The following KDM4B variants were observed in gnomAD, a reference collection of about 807,000 sequenced individuals.
KDM4B encodes lysine demethylase 4B.
A neutral mutation model predicts 125.2 loss-of-function variants in KDM4B; 32 were observed. The ratio of observed to expected loss-of-function variants is 0.26; its 90% CI spans 0.19 to 0.34. KDM4B has a LOEUF of 0.34. KDM4B is among the 10% of genes least tolerant of loss of function. The pLI is 1.00. For missense variants in KDM4B, 1,190 were observed against 1,577.7 expected, an observed-to-expected ratio of 0.75 and a Z score of 4.16; for synonymous variants, 721 against 677.9, an observed-to-expected ratio of 1.06 and a Z score of -0.99.
chr19:5,150,750 CT>C (rs1231798094), intron 22 of KDM4B, among the ~76,000 whole-genome samples: 1 of 152,192 alleles, frequency 6.6e-6, no homozygotes, highest in Non-Finnish European at 1.5e-5. Flanking sequence ...TCCCAGCCCC[CT>C]GTGCCCTGCA....
chr19:5,092,705 G>GC, intron 9 of KDM4B, among the ~76,000 whole-genome samples: 1 of 152,288 alleles, frequency 6.6e-6, no homozygotes, highest in South Asian at 2.1e-4. Context: ...CCCTCGAGGG[G>GC]CACTGGCGAG....
chr19:4,972,679 C>T (rs2034301917), intron 1 of KDM4B, among the ~76,000 whole-genome samples: 1 of 152,262 alleles, frequency 6.6e-6, no homozygotes, highest in Non-Finnish European at 1.5e-5. Flanking sequence ...TGCAGTAGCT[C>T]ATGGTGTGCT....
At chr19:5,128,883 C>T (rs1402664173) in intron 11 of KDM4B, among the ~76,000 whole-genome samples, 12 of 140,248 alleles carry the variant, frequency 8.6e-5, no homozygotes, top group Middle Eastern at 3.5e-3. Flanking sequence ...CATATAACAG[C>T]GGGGGGCCCG....
chr19:5,084,948 C>T (rs979513014), intron 9 of KDM4B, among the ~76,000 whole-genome samples: 1 of 151,592 alleles, frequency 6.6e-6, no homozygotes. Flanking sequence ...TCAAGTGATC[C>T]ACCCACCTCG....
intron 9 of KDM4B, among the ~76,000 whole-genome samples, chr19:5,101,679 C>T (rs918286046): frequency 1.7e-5 from 2 of 115,078 alleles, no homozygotes; most frequent in Admixed American, 9.4e-5. Context: ...AGGGGAAGGG[C>T]GGGGAGGGCC....
chr19:5,111,228 C>T (rs991007883), intron 10 of KDM4B: 53 of 610,438 alleles, frequency 8.7e-5, no homozygotes, highest in African/African-American at 7.7e-4. Context: ...TCCGGCTACT[C>T]GGGCCCCTCC....
At chr19:5,049,188 A>G (rs1487909504) in intron 6 of KDM4B, among the ~76,000 whole-genome samples, 2 of 152,014 alleles carry the variant, frequency 1.3e-5, no homozygotes, top group African/African-American at 4.8e-5. Context: ...CGTCGGAGGG[A>G]CTGACAGGGA....
intron 2 of KDM4B, among the ~76,000 whole-genome samples, chr19:5,029,111 A>G (rs2036371870): frequency 6.6e-6 from 1 of 152,116 alleles, no homozygotes; most frequent in Admixed American, 6.5e-5. Flanking sequence ...GAGTCTCACT[A>G]TGTTGCTTAT....
rs2039949905 is a variant in KDM4B at position 5,151,609 on chromosome 19, C to G, written c.*98C>G. The G allele has an allele frequency of 2.7e-6, 3 of 1,094,174 alleles. No homozygotes were observed. In the African/African-American group the frequency reaches 4.9e-5, roughly 18 times the overall value. The allele number at this position is 1,094,174 out of a possible 1,614,324, so 67.8% of individuals were successfully genotyped here. ...GAATTCCTGTCCTCGTGTCCCCGAC[C>G]CCCGAGAGGCCACCTCCAAGCCGCG... is the stretch of plus-strand genomic sequence containing the variant. On this transcript the variant is annotated 3_prime_UTR_variant, in exon 23 of 23. Transcript: ENST00000159111.
rs1243364131 is a variant in KDM4B, at chr19:5,078,603, T to A, written c.780+1133T>A. On this transcript the variant is annotated intron_variant, in intron 8 of 22. Transcript: ENST00000159111. The surrounding 1 kb of genome is among the most constrained non-coding windows in gnomAD (Gnocchi z 4.5). ...CGGCATTGCTCAGGGAAGTGAGAAG[T>A]ACTGATTTTCTGGCTGGTTTGTCTA... The A allele has an allele frequency of 6.6e-6, 1 of 151,938 alleles. No homozygotes were observed. The highest frequency in any genetic ancestry group is 1.5e-5 in the Non-Finnish European group (1 of 68,034). 9.4% of individuals were successfully genotyped at this position (151,938 alleles called of 1,614,324 possible).
At chr19:5,096,906 G>T (rs2038838522) in intron 9 of KDM4B, among the ~76,000 whole-genome samples, 1 of 152,234 alleles carries the variant, frequency 6.6e-6, no homozygotes, top group African/African-American at 2.4e-5. Flanking sequence ...CTCAGAGAAG[G>T]CTGAGGGAAA....
At chr19:5,102,572 C>T (rs894284979) in intron 9 of KDM4B, among the ~76,000 whole-genome samples, 1 of 151,790 alleles carries the variant, frequency 6.6e-6, no homozygotes, top group Non-Finnish European at 1.5e-5. Flanking sequence ...GGAATGGGGC[C>T]GGGGCCGGGG....
At position 5,061,206 on chromosome 19, in the gene KDM4B, C is replaced by T. The variant is rs144495045; in HGVS notation, c.627-9804C>T. On this transcript the variant is annotated intron_variant, in intron 6 of 22. Coordinates refer to ENST00000159111, the MANE Select transcript of KDM4B (RefSeq NM_015015.3). The stretch of plus-strand genomic sequence containing the variant: ...GCTCTGTCTCCTCCGCCTGCTGCTC[C>T]GCTTTGTCGGGCATTCCTGTGGGCG... Among the ~76,000 whole-genome samples the T allele has an allele frequency of 7.0e-3, 1,063 of 152,316 alleles. 13 individuals are homozygous for T. Among genetic ancestry groups the T allele is most frequent in the African/African-American group, 0.025 (1,024 of 41,562 alleles).
Position 5,135,498 on chromosome 19 carries a change from A to G in KDM4B, c.2245A>G (p.Ile749Val), listed in dbSNP as rs1220658330. Residue 749 changes from isoleucine (I) to valine (V), a missense_variant, in exon 15 of 23, where the codon ATC (isoleucine) becomes GTC (valine). Ile to Val is a conservative substitution (Grantham distance 29). Coordinates refer to ENST00000159111, the MANE Select transcript of KDM4B (RefSeq NM_015015.3). ...GGAGCCGCTGCCTGCCAACTCCTAC[A>G]TCGGCGACGACGGGACCAGCCCCCT... Reference protein sequence around the residue: ...NTEPLPANSYIGDDGTSPLIA... With the variant: ...NTEPLPANSYVGDDGTSPLIA... 4 of 1,612,222 alleles carry G rather than the reference A, an allele frequency of 2.5e-6. No homozygotes were observed. Among genetic ancestry groups the G allele is most frequent in the East Asian group, 2.2e-5 (1 of 44,850 alleles).
At chr19:5,096,521 C>T (rs1384369115) in intron 9 of KDM4B, among the ~76,000 whole-genome samples, 1 of 152,190 alleles carries the variant, frequency 6.6e-6, no homozygotes, top group Non-Finnish European at 1.5e-5. Flanking sequence ...ACCTCAGTGC[C>T]CCTGCCCAGA....
Position 5,134,167 on chromosome 19 carries a change from G to T in KDM4B, c.2085+106G>T, listed in dbSNP as rs371655341. 165 of 1,092,742 alleles carry T rather than the reference G, an allele frequency of 1.5e-4. 1 individual carries two copies. The East Asian group carries it at 3.8e-3, about 25-fold the overall frequency. 67.7% of individuals were successfully genotyped at this position (1,092,742 alleles called of 1,614,324 possible). A position where few individuals can be genotyped will look rare whatever the true frequency, so the allele number is the denominator to read the frequency against. ...GCCTCCCTCTCTCACGCAGGGCAGG[G>T]TGTTGGCCAGCACCCCGAGTTGTGA... is the stretch of plus-strand genomic sequence containing the variant. On this transcript the variant is annotated intron_variant, in intron 14 of 22. Coordinates refer to ENST00000159111, the MANE Select transcript of KDM4B (RefSeq NM_015015.3).
At chr19:5,144,504 G>A in intron 20 of KDM4B, 92 bp downstream of exon 20, 1 of 1,163,212 alleles carries the variant, frequency 8.6e-7, no homozygotes, top group African/African-American at 1.6e-5. Flanking sequence ...TGTGGGGGTG[G>A]GCGGGGGGAA....
rs1053497578 is a variant in KDM4B at position 5,086,524 on chromosome 19, C to T, written c.918+4020C>T. Among the ~76,000 whole-genome samples the T allele has an allele frequency of 1.1e-4, 16 of 152,324 alleles. No homozygotes were observed. In the South Asian group the frequency reaches 2.7e-3, roughly 26 times the overall value. On this transcript the variant is annotated intron_variant, in intron 9 of 22. Transcript: ENST00000159111. ...GGTGGCGTCTGCGTCTGCTTCGCCC[C>T]GCGGAGTTGAGTAGTTCCGAAAAGC...
At chr19:5,116,235 TAAAAAAAAAA>T (rs35940660) in intron 10 of KDM4B, among the ~76,000 whole-genome samples, 36 of 40,390 alleles carry the variant, frequency 8.9e-4, no homozygotes, top group East Asian at 1.9e-3. Flanking sequence ...ACCACATCTC[TAAAAAAAAAA>T]AAAAAAAAAA....
Sources: gnomAD v4.1 joint callset for allele counts (sites outside exome capture counted in the v4.1 genomes callset) on GRCh38, gnomAD v4.1.1 for gene constraint, Gnocchi (gnomAD v3.1) non-coding constraint, MANE v1.5 for transcripts, NCBI Gene and HGNC (gene_info 2026-07-23, HGNC 2026-07-21) for gene names.